RAB11A: variants seen among roughly 807,000 people sequenced by gnomAD.
The protein encoded by RAB11A is RAB11A, member RAS oncogene family.
A neutral mutation model predicts 28.0 loss-of-function variants in RAB11A; 9 were observed. The ratio of observed to expected loss-of-function variants is 0.32; its 90% CI spans 0.19 to 0.56. The LOEUF is 0.56. Among genes scored for constraint, RAB11A ranks in the 20% least tolerant of loss-of-function variants. The pLI, the probability that RAB11A is intolerant of heterozygous loss-of-function variation, is 0.91. For missense variants in RAB11A, 108 were observed against 269.6 expected (o/e 0.40, Z 4.20); for synonymous variants, 85 against 88.2 (o/e 0.96, Z 0.20).
intron 1 of RAB11A, among the ~76,000 whole-genome samples, chr15:65,874,408 A>G (rs2078180191): frequency 6.6e-6 from 1 of 151,956 alleles, no homozygotes; most frequent in Non-Finnish European, 1.5e-5. Flanking sequence ...CACCTGGCTA[A>G]TTTTGTGTTT....
chr15:65,873,582 C>T (rs1013376335), intron 1 of RAB11A, among the ~76,000 whole-genome samples: 2 of 151,972 alleles, frequency 1.3e-5, no homozygotes, highest in African/African-American at 4.8e-5. Flanking sequence ...GAGGCAGGGT[C>T]TCCCTCTGTT....
Position 65,877,602 on chromosome 15 carries a change from A to G in RAB11A, c.236+75A>G. ...ATTAGCTGACTTTTGGTATTGGAAA[A>G]AGAACTGTTGTTTTTTTCTTTTAAG... On this transcript the variant is annotated intron_variant, in intron 2 of 4. Transcript: ENST00000261890. This position sits in a 1 kb window ranked among gnomAD's most constrained non-coding sequence, Gnocchi z 4.1. 6.9e-7 allele frequency: 1 copy of G among 1,455,388 alleles called. No individual in the cohort carries two copies. 90.2% of individuals were successfully genotyped at this position (1,455,388 alleles called of 1,614,324 possible). A position where few individuals can be genotyped will look rare whatever the true frequency, so the allele number is the denominator to read the frequency against.
chr15:65,891,477 C>T lies in RAB11A; in HGVS notation c.*3637C>T, dbSNP rs987497438. On this transcript the variant is annotated 3_prime_UTR_variant, in exon 5 of 5. Transcript: ENST00000261890. ...TATGATAGAGCACTGGACTGAGTAACGAAGAGATTCTAGTCATGGCTCTTG... is the reference window on the plus strand; with the variant it reads ...TATGATAGAGCACTGGACTGAGTAATGAAGAGATTCTAGTCATGGCTCTTG... 15 of 152,154 alleles carry T rather than the reference C, an allele frequency of 9.9e-5. No individual in the cohort carries two copies. Among genetic ancestry groups the T allele is most frequent in the African/African-American group, 3.6e-4 (15 of 41,436 alleles). The allele number at this position is 152,154 out of a possible 1,614,324, so 9.4% of individuals were successfully genotyped here. A position where few individuals can be genotyped will look rare whatever the true frequency, so the allele number is the denominator to read the frequency against.
At chr15:65,884,429 T>C (rs905260664) in intron 4 of RAB11A, among the ~76,000 whole-genome samples, 1 of 152,096 alleles carries the variant, frequency 6.6e-6, no homozygotes, top group Non-Finnish European at 1.5e-5. Context: ...TTTTGAAGAT[T>C]AAATTAGGGG....
chr15:65,876,392 G>T (rs1481481040), intron 1 of RAB11A, among the ~76,000 whole-genome samples: 1 of 151,966 alleles, frequency 6.6e-6, no homozygotes, highest in Non-Finnish European at 1.5e-5. Context: ...TGCTTCCCGG[G>T]TTCAAGCTAT....
intron 1 of RAB11A, among the ~76,000 whole-genome samples, chr15:65,876,966 G>A (rs143683970): frequency 7.8e-4 from 119 of 152,246 alleles, no homozygotes; most frequent in African/African-American, 2.8e-3. Flanking sequence ...TATCTTTGAA[G>A]TTGTTATCTT....
rs1274651512 is a variant in RAB11A, at chr15:65,877,281, T to C, written c.41-51T>C. 2 of 1,434,468 alleles carry C rather than the reference T, an allele frequency of 1.4e-6. No individual in the cohort carries two copies. The highest frequency in any genetic ancestry group is 1.9e-6 in the Non-Finnish European group (2 of 1,042,538). The allele number at this position is 1,434,468 out of a possible 1,614,324, so 88.9% of individuals were successfully genotyped here. On this transcript the variant is annotated intron_variant, in intron 1 of 4. Coordinates refer to ENST00000261890, the MANE Select transcript of RAB11A (RefSeq NM_004663.5). This position sits in a 1 kb window ranked among gnomAD's most constrained non-coding sequence, Gnocchi z 4.1. ...CATTCTGTTGAAAGCATAGTGGTGT[T>C]CTGAATATGTTTGCCTCATTCATCT...
intron 4 of RAB11A, among the ~76,000 whole-genome samples, chr15:65,880,134 A>G (rs868590618): frequency 6.6e-6 from 1 of 152,248 alleles, no homozygotes; most frequent in African/African-American, 2.4e-5. Flanking sequence ...AAGCTAGGGA[A>G]AAAACATTTT....
intron 4 of RAB11A, 55 bp downstream of exon 4, chr15:65,879,806 A>G (rs747730838): frequency 1.8e-5 from 24 of 1,338,486 alleles, no homozygotes; most frequent in Non-Finnish European, 2.3e-5. Flanking sequence ...TAGGAAGGTA[A>G]TTTAAACAAA....
rs529940411 is a variant in RAB11A, at chr15:65,882,183, A to G, written c.511+2432A>G. 3.3e-5 allele frequency among the ~76,000 whole-genome samples: 5 copies of G among 152,344 alleles called. No homozygotes were observed. In the South Asian group the frequency reaches 8.3e-4, roughly 25 times the overall value. ...TCACTTGCTACCACTTTTCCTTTCT[A>G]TATTCACTGTTTCCTCAGCTTCCTG... is the stretch of plus-strand genomic sequence containing the variant. On this transcript the variant is annotated intron_variant, in intron 4 of 4. Transcript: ENST00000261890.
intron 4 of RAB11A, among the ~76,000 whole-genome samples, chr15:65,883,111 A>T (rs1227443515): frequency 6.6e-6 from 1 of 152,216 alleles, no homozygotes; most frequent in Admixed American, 6.5e-5. Context: ...TCTCTTTTAT[A>T]GCCACAGTAT....
At chr15:65,885,105 C>T (rs980809965) in intron 4 of RAB11A, among the ~76,000 whole-genome samples, 2 of 149,078 alleles carry the variant, frequency 1.3e-5, no homozygotes, top group African/African-American at 4.9e-5. Context: ...TACCATATGT[C>T]GTATCCAAGA....
At position 65,884,864 on chromosome 15, in the gene RAB11A, T is replaced by TG. The variant is rs536396960; in HGVS notation, c.512-2830dup. Among the ~76,000 whole-genome samples the TG allele has an allele frequency of 3.7e-4, 54 of 145,960 alleles. No individual in the cohort carries two copies. The Middle Eastern group carries it at 0.011, about 29-fold the overall frequency. On this transcript the variant is annotated intron_variant, in intron 4 of 4. Transcript: ENST00000261890. ...TATTTCATTGGGAGTTTTGTGGGGG[T>TG]GGGGGGGTATGCTAAACTAGATCTA... is the stretch of plus-strand genomic sequence containing the variant.
At chr15:65,884,135 G>A (rs1169143372) in intron 4 of RAB11A, among the ~76,000 whole-genome samples, 3 of 151,564 alleles carry the variant, frequency 2.0e-5, no homozygotes, top group African/African-American at 7.3e-5. Context: ...ATAAAGACAG[G>A]CTACTAAAAT....
At chr15:65,884,818 A>G (rs1010024394) in intron 4 of RAB11A, among the ~76,000 whole-genome samples, 2 of 151,096 alleles carry the variant, frequency 1.3e-5, no homozygotes, top group Non-Finnish European at 2.9e-5. Flanking sequence ...GGTAACTTCT[A>G]GCTGTCTGAT....
At chr15:65,876,513 T>C (rs1417513475) in intron 1 of RAB11A, among the ~76,000 whole-genome samples, 9 of 152,122 alleles carry the variant, frequency 5.9e-5, no homozygotes, top group African/African-American at 2.2e-4. Context: ...GCCAGGCTAG[T>C]CTCGAACTCT....
intron 1 of RAB11A, among the ~76,000 whole-genome samples, chr15:65,876,445 C>T (rs1256100611): frequency 1.3e-5 from 2 of 152,006 alleles, no homozygotes; most frequent in African/African-American, 4.8e-5. Flanking sequence ...TACATGCGCC[C>T]ACCACCACAC....
At position 65,891,314 on chromosome 15, in the gene RAB11A, T is replaced by C. The variant is rs2078294069; in HGVS notation, c.*3474T>C. 2.0e-5 allele frequency: 3 copies of C among 152,224 alleles called. No individual in the cohort carries two copies. The highest frequency in any genetic ancestry group is 7.2e-5 in the African/African-American group (3 of 41,454). 9.4% of individuals were successfully genotyped at this position (152,224 alleles called of 1,614,324 possible). A position where few individuals can be genotyped will look rare whatever the true frequency, so the allele number is the denominator to read the frequency against. On this transcript the variant is annotated 3_prime_UTR_variant, in exon 5 of 5. Transcript: ENST00000261890. ...ACCATTAGGCTGAGAATCAATATGA[T>C]TGAGGTTATCTATTCTCCTGAAAAG...
chr15:65,874,213 TG>T (rs1215667723), intron 1 of RAB11A, among the ~76,000 whole-genome samples: 1 of 152,010 alleles, frequency 6.6e-6, no homozygotes, highest in African/African-American at 2.4e-5. Flanking sequence ...ATACAGCAGA[TG>T]TCTAGTTGAT....
Sources: gnomAD v4.1 joint callset for allele counts (sites outside exome capture counted in the v4.1 genomes callset) on GRCh38, gnomAD v4.1.1 for gene constraint, Gnocchi (gnomAD v3.1) non-coding constraint, MANE v1.5 for transcripts, NCBI Gene and HGNC (gene_info 2026-07-23, HGNC 2026-07-21) for gene names.